Variants in EMSY observed in about 807,000 individuals in gnomAD.
EMSY encodes the protein BRCA2-interacting transcriptional repressor EMSY.
Under a neutral mutation model 134.6 loss-of-function variants are expected in EMSY, and 26 were observed. The observed-to-expected ratio is 0.19, with a 90% confidence interval of 0.14 to 0.27. The LOEUF (loss-of-function observed/expected upper bound fraction) is 0.27. Among genes scored for constraint, EMSY ranks in the 10% least tolerant of loss-of-function variants. The pLI is 1.00. For missense variants in EMSY, 1,305 were observed against 1,611.4 expected (o/e 0.81, Z 3.26); for synonymous variants, 579 against 577.8 (o/e 1.00, Z -0.03).
downstream of EMSY, chr11:76,551,647 A>G (rs917322804): frequency 1.3e-5 from 2 of 152,256 alleles, no homozygotes; most frequent in African/African-American, 4.8e-5. Context: ...GAGCTGTTGG[A>G]TATTATTTTA....
intron 9 of EMSY, among the ~76,000 whole-genome samples, chr11:76,507,841 TTTTTTC>T (rs1476749927): frequency 7.4e-5 from 11 of 149,106 alleles, no homozygotes; most frequent in African/African-American, 2.2e-4. Flanking sequence ...AAATGCATTT[TTTTTTC>T]TTTTTCTTTT....
At chr11:76,516,089 C>G in intron 10 of EMSY, 53 bp from the exon 12 acceptor site, 6 of 1,451,712 alleles carry the variant, frequency 4.1e-6, no homozygotes, top group Non-Finnish European at 5.7e-6. Context: ...TATTAATTAT[C>G]ATTCTTCTGT....
intron 8 of EMSY, among the ~76,000 whole-genome samples, chr11:76,473,247 A>G (rs1008166979): frequency 6.6e-6 from 1 of 152,168 alleles, no homozygotes; most frequent in Non-Finnish European, 1.5e-5. Flanking sequence ...GGTAGGAGGA[A>G]GAAGATGGTT....
exon 19 of EMSY, chr11:76,544,460 T>C (rs774198232): frequency 2.2e-5 from 35 of 1,614,004 alleles, no homozygotes; most frequent in Non-Finnish European, 3.0e-5. Context: ...AACTCTGCAG[T>C]GCTTCCAGAC....
intron 6 of EMSY, among the ~76,000 whole-genome samples, chr11:76,462,411 T>C (rs1041168484): frequency 1.3e-5 from 2 of 152,238 alleles, no homozygotes; most frequent in Non-Finnish European, 2.9e-5. Context: ...TAACTTTGTA[T>C]GTGCAAGGCA....
intron 9 of EMSY, among the ~76,000 whole-genome samples, chr11:76,509,882 T>C (rs1744328580): frequency 6.6e-6 from 1 of 152,242 alleles, no homozygotes; most frequent in African/African-American, 2.4e-5. Context: ...TTTTAATGAA[T>C]GCTTTCTCTA....
chr11:76,514,958 A>G (rs1950397325), intron 10 of EMSY, among the ~76,000 whole-genome samples: 1 of 152,148 alleles, frequency 6.6e-6, no homozygotes, highest in South Asian at 2.1e-4. Flanking sequence ...TGTCTGTGTT[A>G]TAATAAGTGT....
rs368006003 is a variant in EMSY at position 76,484,089 on chromosome 11, A to G, written c.1108+11249A>G. ...GCAATCAAATTATAACTCAGGATTA[A>G]GAAACTCACTCAAACCTGCACAACT... On this transcript the variant is annotated intron_variant, in intron 8 of 20. Coordinates refer to ENST00000334736, the Ensembl canonical transcript of EMSY. Among the ~76,000 whole-genome samples, 27 of 152,364 alleles carry G rather than the reference A, an allele frequency of 1.8e-4. No homozygotes were observed. In the South Asian group the frequency reaches 2.3e-3, roughly 13 times the overall value.
At position 76,472,548 on chromosome 11, in the gene EMSY, AT is replaced by A. The variant is rs1948615652; in HGVS notation, c.832-10del. 2 of 1,604,964 alleles carry A rather than the reference AT, an allele frequency of 1.2e-6. No individual in the cohort carries two copies. The highest frequency in any genetic ancestry group is 1.3e-5 in the African/African-American group (1 of 74,578). On this transcript the variant is annotated splice_polypyrimidine_tract_variant and intron_variant, in intron 7 of 20. Coordinates refer to ENST00000334736, the Ensembl canonical transcript of EMSY. ...TTTAGTAGGTACATAAAAATAACTT[AT>A]TTTTTATTCCTTAGGTTATTATAGT...
Position 76,537,957 on chromosome 11 carries a change from G to A in EMSY, c.2515+7G>A, listed in dbSNP as rs538063368. The A allele has an allele frequency of 6.9e-6, 11 of 1,602,430 alleles. No homozygotes were observed. The highest frequency in any genetic ancestry group is 1.7e-4 in the Middle Eastern group (1 of 6,012). ...GCTGAATACATCACTACTGGTAGGT[G>A]TCCTCTTAAAATGTAGTATTAAGGT... On this transcript the variant is annotated splice_region_variant and intron_variant, in intron 16 of 20. Coordinates refer to ENST00000334736, the Ensembl canonical transcript of EMSY.
chr11:76,534,970 T>C (rs575663066), intron 14 of EMSY, among the ~76,000 whole-genome samples: 1 of 152,280 alleles, frequency 6.6e-6, no homozygotes, highest in East Asian at 1.9e-4. Context: ...TGTTGCTTGA[T>C]TTGATGCACA....
chr11:76,466,670 A>G (rs943154762), intron 7 of EMSY, among the ~76,000 whole-genome samples: 3 of 152,340 alleles, frequency 2.0e-5, no homozygotes, highest in African/African-American at 7.2e-5. Flanking sequence ...TATCATTATT[A>G]GTAACTAGAA....
chr11:76,513,271 ACTT>A, intron 9 of EMSY, 112 bp from the exon 11 acceptor site: 4 of 883,996 alleles, frequency 4.5e-6, no homozygotes, highest in South Asian at 3.2e-5. Context: ...ATTAAAAAAA[ACTT>A]CTCTTTAGAC....
intron 8 of EMSY, among the ~76,000 whole-genome samples, chr11:76,487,518 A>G (rs1949236464): frequency 1.3e-5 from 2 of 152,216 alleles, no homozygotes; most frequent in Non-Finnish European, 2.9e-5. Context: ...TTACTGTTAG[A>G]TACTTATGTG....
intron 14 of EMSY, among the ~76,000 whole-genome samples, chr11:76,533,099 C>T (rs1951101470): frequency 6.6e-6 from 1 of 152,064 alleles, no homozygotes; most frequent in African/African-American, 2.4e-5. Flanking sequence ...AGTCCTTGAG[C>T]TTTATGACAG....
intron 13 of EMSY, among the ~76,000 whole-genome samples, chr11:76,527,684 T>C (rs1282773133): frequency 2.0e-5 from 3 of 151,940 alleles, no homozygotes; most frequent in African/African-American, 7.2e-5. Context: ...AGTTGTCAAA[T>C]CAATATTCAT....
rs777778051 is a variant in EMSY at position 76,499,275 on chromosome 11, C to CTTTT, written c.1363+2833_1363+2836dup. On this transcript the variant is annotated intron_variant, in intron 9 of 20. Transcript: ENST00000334736. ...TGCATCTGGCCAACCAATCTTATAA[C>CTTTT]TTTTTTTTTTTTTTTTTTTTTTTTT... 2.7e-4 allele frequency among the ~76,000 whole-genome samples: 19 copies of CTTTT among 70,006 alleles called. 2 individuals carry two copies. The highest frequency in any genetic ancestry group is 3.8e-4 in the Non-Finnish European group (15 of 39,706). The allele number at this position is 70,006 out of a possible 152,430, so 45.9% of individuals were successfully genotyped here. A position where few individuals can be genotyped will look rare whatever the true frequency, so the allele number is the denominator to read the frequency against.
At chr11:76,459,272 C>T (rs1449005042) in intron 5 of EMSY, 2 of 152,140 alleles carry the variant, frequency 1.3e-5, no homozygotes, top group African/African-American at 2.4e-5. Flanking sequence ...GGTTCCTCAT[C>T]TTTAAAATGA....
chr11:76,454,971 G>A (rs1253842305), intron 4 of EMSY, among the ~76,000 whole-genome samples, 181 bp downstream of exon 5: 1 of 152,004 alleles, frequency 6.6e-6, no homozygotes, highest in Admixed American at 6.5e-5. Flanking sequence ...CTGCTTGGGA[G>A]TACCTCTAGT....
Sources: allele counts gnomAD v4.1 joint callset (sites outside exome capture counted in the v4.1 genomes callset), GRCh38; gene constraint gnomAD v4.1.1; transcripts MANE v1.5; gene names NCBI Gene and HGNC (gene_info 2026-07-23, HGNC 2026-07-21).